The following PCDHGA9 variants were observed in gnomAD, a reference collection of about 807,000 sequenced individuals.
PCDHGA9 encodes the protein protocadherin gamma-A9.
Under a neutral mutation model 62.5 loss-of-function variants are expected in PCDHGA9, and 37 were observed. That is an observed-to-expected ratio of 0.59 (90% CI 0.46 to 0.78). PCDHGA9 has a LOEUF of 0.78. Among genes scored for constraint, PCDHGA9 ranks in the 30% least tolerant of loss-of-function variants. PCDHGA9 has a pLI of 0.00. For missense variants in PCDHGA9, 1,138 were observed against 1,166.2 expected (o/e 0.98, Z 0.35); for synonymous variants, 459 against 484.6 (o/e 0.95, Z 0.69).
At chr5:141,429,387 T>A (rs372199649) in intron 1 of PCDHGA9, among the ~76,000 whole-genome samples, 4,783 of 151,430 alleles carry the variant, frequency 0.032, 106 homozygotes, top group African/African-American at 0.043. Context: ...GTTTTTTTTT[T>A]AAAAAAAATT....
rs150897033 is a variant in PCDHGA9, at chr5:141,453,434, G to C, written c.2425-41373G>C. Among the ~76,000 whole-genome samples the C allele has an allele frequency of 3.9e-3, 592 of 151,994 alleles. 6 individuals are homozygous for C. The highest frequency in any genetic ancestry group is 0.011 in the Admixed American group (171 of 15,256). On this transcript the variant is annotated intron_variant, in intron 1 of 3. Coordinates refer to ENST00000573521, the MANE Select transcript of PCDHGA9 (RefSeq NM_018921.3). Reference sequence around the variant, plus strand: ...GGCATAAGCCACCACACCTAGCCTAGTATTCTTTTTTGAATATGTAAAACA... The same window carrying C: ...GGCATAAGCCACCACACCTAGCCTACTATTCTTTTTTGAATATGTAAAACA...
Position 141,476,464 on chromosome 5 carries a change from G to A in PCDHGA9, c.2425-18343G>A, listed in dbSNP as rs745664477. On this transcript the variant is annotated intron_variant, in intron 1 of 3. Transcript: ENST00000573521. This position sits in a 1 kb window ranked among gnomAD's most constrained non-coding sequence, Gnocchi z 7.6. ...TGGAGTTGGTAGTGGAGAACCCGCT[G>A]GAGCTGTTCAGCGTGGAAGTGGTGA... 3 of 1,614,140 alleles carry A rather than the reference G, an allele frequency of 1.9e-6. No homozygotes were observed. Among genetic ancestry groups the A allele is most frequent in the Non-Finnish European group, 2.5e-6 (3 of 1,180,014 alleles).
At position 141,501,290 on chromosome 5, in the gene PCDHGA9, TACACACACACAC is replaced by T. The variant is rs55762287; in HGVS notation, c.2484-4070_2484-4059del. Among the ~76,000 whole-genome samples, 15 of 136,248 alleles carry T rather than the reference TACACACACACAC, an allele frequency of 1.1e-4. No homozygotes were observed. The South Asian group carries it at 1.2e-3, about 11-fold the overall frequency. The allele number at this position is 136,248 out of a possible 152,430, so 89.4% of individuals were successfully genotyped here. A position where few individuals can be genotyped will look rare whatever the true frequency, so the allele number is the denominator to read the frequency against. ...GTCCAGTCTATGGGATATTCCCTTA[TACACACACACAC>T]ACACACACACACACACACACACACA... On this transcript the variant is annotated intron_variant, in intron 2 of 3. Transcript: ENST00000573521.
At chr5:141,408,947 ATTAGTC>A in intron 1 of PCDHGA9, 6 of 1,613,666 alleles carry the variant, frequency 3.7e-6, no homozygotes, top group Non-Finnish European at 5.1e-6. Context: ...CGAATATAGA[ATTAGTC>A]TTAGTGAAAA....
At chr5:141,492,576 G>A (rs2099742137) in intron 1 of PCDHGA9, among the ~76,000 whole-genome samples, 1 of 152,234 alleles carries the variant, frequency 6.6e-6, no homozygotes, top group Admixed American at 6.5e-5. Context: ...AGCGAGGCGC[G>A]GGGCCAGGAG....
chr5:141,436,051 A>G (rs2097793554), intron 1 of PCDHGA9, among the ~76,000 whole-genome samples: 1 of 152,194 alleles, frequency 6.6e-6, no homozygotes, highest in Admixed American at 6.5e-5. Flanking sequence ...ATTAGTTTTC[A>G]AATAGAATTT....
chr5:141,438,627 T>C (rs55817844), intron 1 of PCDHGA9, among the ~76,000 whole-genome samples: 510 of 47,978 alleles, frequency 0.011, 3 homozygotes, highest in Admixed American at 0.017. Context: ...TATATATATA[T>C]ATATATATAC....
intron 2 of PCDHGA9, among the ~76,000 whole-genome samples, chr5:141,496,565 T>C (rs2099769541): frequency 6.6e-6 from 1 of 152,136 alleles, no homozygotes; most frequent in African/African-American, 2.4e-5. Context: ...CACAGTCCTG[T>C]CACCCATTTT....
At chr5:141,497,307 C>T (rs1295364802) in intron 2 of PCDHGA9, among the ~76,000 whole-genome samples, 1 of 152,096 alleles carries the variant, frequency 6.6e-6, no homozygotes, top group Non-Finnish European at 1.5e-5. Flanking sequence ...CCAGGCCATA[C>T]ACTGGCTTTG....
chr5:141,484,866 C>A (rs1474623432), intron 1 of PCDHGA9: 9 of 275,500 alleles, frequency 3.3e-5, no homozygotes, highest in Non-Finnish European at 5.5e-5. Context: ...GGTGGGGGAG[C>A]GTGGAGGATA....
Position 141,404,287 on chromosome 5 carries a change from C to T in PCDHGA9, c.1335C>T (p.Ile445=). 1 of 1,613,976 alleles carries T rather than the reference C, an allele frequency of 6.2e-7. No individual in the cohort carries two copies. Among genetic ancestry groups the T allele is most frequent in the Non-Finnish European group, 8.5e-7 (1 of 1,179,860 alleles). The change falls in exon 1 of 4, where the codon ATC becomes ATT. Residue 445 remains isoleucine, a synonymous_variant. Transcript: ENST00000573521. ...EIHITLQVTD[I]NDNPPAFSQA... is the part of the protein sequence containing the mutation. ...ACATCACCCTGCAAGTGACTGACAT[C>T]AATGATAATCCACCTGCTTTCTCTC...
Position 141,404,921 on chromosome 5 carries a change from A to G in PCDHGA9, c.1969A>G (p.Thr657Ala). 6.2e-7 allele frequency: 1 copy of G among 1,613,804 alleles called. No homozygotes were observed. The highest frequency in any genetic ancestry group is 1.1e-5 in the South Asian group (1 of 91,072). ...CCATGGCCAGCCCCCTCTCTCGGCC[A>G]CTGTCACGCTCACAGTAGCCATAGC... is the stretch of plus-strand genomic sequence containing the variant. Reference protein sequence around the residue: ...QDHGQPPLSATVTLTVAIADS... With the variant: ...QDHGQPPLSAAVTLTVAIADS... Residue 657 changes from threonine to alanine, a missense_variant, in exon 1 of 4, where the codon ACT (threonine) becomes GCT (alanine). Physicochemically the swap from Thr to Ala is moderately conservative, Grantham distance 58 (BLOSUM62 0). Transcript: ENST00000573521.
In PCDHGA9 at chr5:141,441,877, C is replaced by T. The variant is rs945298341; in HGVS notation, c.2424+36501C>T. ...GCTGCACGCCGCGGAGCCTGGCTACCTGGTCACCAAGGTGGTGGCTGTAGA... is the reference window on the plus strand; with the variant it reads ...GCTGCACGCCGCGGAGCCTGGCTACTTGGTCACCAAGGTGGTGGCTGTAGA... On this transcript the variant is annotated intron_variant, in intron 1 of 3. Transcript: ENST00000573521. 4 of 343,582 alleles carry T rather than the reference C, an allele frequency of 1.2e-5. No homozygotes were observed. In the Admixed American group the frequency reaches 1.6e-4, roughly 13 times the overall value. 21.3% of individuals were successfully genotyped at this position (343,582 alleles called of 1,614,324 possible).
intron 1 of PCDHGA9, among the ~76,000 whole-genome samples, chr5:141,445,793 CAG>C (rs1466260011): frequency 6.6e-6 from 1 of 152,132 alleles, no homozygotes; most frequent in Admixed American, 6.5e-5. Context: ...AGGCTAGAAA[CAG>C]AAAATAAATA....
chr5:141,480,429 T>A (rs72790066), intron 1 of PCDHGA9, among the ~76,000 whole-genome samples: 9,317 of 151,926 alleles, frequency 0.061, 335 homozygotes, highest in South Asian at 0.12. Context: ...AAAAAAATTA[T>A]CAGCTATTAC....
chr5:141,465,483 A>T (rs1279787337), intron 1 of PCDHGA9, among the ~76,000 whole-genome samples: 1 of 152,236 alleles, frequency 6.6e-6, no homozygotes, highest in Non-Finnish European at 1.5e-5. Flanking sequence ...TCATGAGAGG[A>T]ATGAGCGGGA....
At chr5:141,419,586 A>T (rs1440548961) in intron 1 of PCDHGA9, 1 of 1,611,696 alleles carries the variant, frequency 6.2e-7, no homozygotes, top group Non-Finnish European at 8.5e-7. Context: ...GCGCTCTTCG[A>T]CACAGTGCCG....
chr5:141,408,806 C>A (rs1368887332), intron 1 of PCDHGA9: 2 of 1,612,894 alleles, frequency 1.2e-6, no homozygotes, highest in African/African-American at 1.3e-5. Flanking sequence ...ACTCCTAGAC[C>A]GGGAAGAACA....
intron 1 of PCDHGA9, chr5:141,426,887 G>C (rs1309180455): frequency 6.6e-6 from 3 of 456,646 alleles, no homozygotes; most frequent in South Asian, 4.6e-5. Context: ...TGGGCCAGGA[G>C]CAACAGAGCT....
Sources: allele counts gnomAD v4.1 joint callset (sites outside exome capture counted in the v4.1 genomes callset), GRCh38; gene constraint gnomAD v4.1.1; non-coding constraint Gnocchi (gnomAD v3.1); transcripts MANE v1.5; gene names NCBI Gene and HGNC (gene_info 2026-07-23, HGNC 2026-07-21).